RARB: variants seen among roughly 807,000 people sequenced by gnomAD.
RARB encodes the protein retinoic acid receptor beta.
A neutral mutation model predicts 51.9 loss-of-function variants in RARB; 17 were observed. The ratio of observed to expected loss-of-function variants is 0.33; its 90% CI spans 0.22 to 0.49. The LOEUF is 0.49. RARB is among the 20% of genes least tolerant of loss of function. The pLI, the probability that RARB is intolerant of heterozygous loss-of-function variation, is 0.99. For missense variants in RARB, 369 were observed against 550.8 expected (o/e 0.67, Z 3.30); for synonymous variants, 215 against 195.4 (o/e 1.10, Z -0.84).
At chr3:25,247,860 T>C (rs1054060790) in intron 5 of RARB, among the ~76,000 whole-genome samples, 2 of 152,214 alleles carry the variant, frequency 1.3e-5, no homozygotes, top group African/African-American at 4.8e-5. Context: ...ACTGTAGCTG[T>C]TGGGTGAAAT....
chr3:25,476,475 G>T (rs1443971369), intron 2 of RARB, among the ~76,000 whole-genome samples: 1 of 152,128 alleles, frequency 6.6e-6, no homozygotes, highest in Non-Finnish European at 1.5e-5. Context: ...ATTCTCTGCA[G>T]ACACTTTTTA....
At chr3:25,265,975 C>T (rs570496151) in intron 5 of RARB, among the ~76,000 whole-genome samples, 2 of 152,302 alleles carry the variant, frequency 1.3e-5, no homozygotes, top group South Asian at 4.1e-4. Context: ...GCTGGCAACT[C>T]TCAACCTAGT....
At chr3:24,880,155 G>C (rs1559381027) in intron 2 of RARB, among the ~76,000 whole-genome samples, 1 of 151,870 alleles carries the variant, frequency 6.6e-6, no homozygotes, top group Non-Finnish European at 1.5e-5. Context: ...CTCAGTGGGA[G>C]TTAGTAATGG....
At chr3:25,590,685 A>G (rs1701581115) in intron 5 of RARB, among the ~76,000 whole-genome samples, 1 of 152,058 alleles carries the variant, frequency 6.6e-6, no homozygotes, top group Non-Finnish European at 1.5e-5. Context: ...AGGCCTGGCT[A>G]ATTTTTGTAC....
At chr3:25,577,727 G>A (rs1264151473) in intron 4 of RARB, among the ~76,000 whole-genome samples, 1 of 152,200 alleles carries the variant, frequency 6.6e-6, no homozygotes, top group Non-Finnish European at 1.5e-5. Context: ...CAGGAAGGCA[G>A]CCCGTTGCAG....
chr3:25,050,245 T>C (rs930521924), intron 2 of RARB, among the ~76,000 whole-genome samples: 1 of 152,124 alleles, frequency 6.6e-6, no homozygotes, highest in Admixed American at 6.5e-5. Flanking sequence ...AGGCTGTGGC[T>C]GTGGAAAGAG....
At chr3:25,536,030 A>G (rs1699126843) in intron 3 of RARB, among the ~76,000 whole-genome samples, 1 of 152,186 alleles carries the variant, frequency 6.6e-6, no homozygotes, top group South Asian at 2.1e-4. Flanking sequence ...TGAGGAGGAC[A>G]TAAAGATGAC....
chr3:24,971,099 T>C (rs1445749889), intron 2 of RARB, among the ~76,000 whole-genome samples: 3 of 151,936 alleles, frequency 2.0e-5, no homozygotes, highest in African/African-American at 7.2e-5. Context: ...GCAAAAATAA[T>C]CAGATCCTAA....
At chr3:25,483,136 A>G (rs937546729) in intron 2 of RARB, among the ~76,000 whole-genome samples, 8 of 152,234 alleles carry the variant, frequency 5.3e-5, no homozygotes, top group Non-Finnish European at 7.3e-5. Context: ...CGACACAGGC[A>G]GAGAACCCCA....
At chr3:25,161,049 G>A (rs902359376) in intron 4 of RARB, among the ~76,000 whole-genome samples, 1 of 151,836 alleles carries the variant, frequency 6.6e-6, no homozygotes, top group African/African-American at 2.4e-5. Flanking sequence ...GTCTTGCTCC[G>A]TCGCCCAGGC....
intron 3 of RARB, among the ~76,000 whole-genome samples, chr3:25,114,341 G>A (rs1040625429): frequency 4.6e-5 from 7 of 152,134 alleles, no homozygotes; most frequent in African/African-American, 7.2e-5. Context: ...GAGGCTTTGC[G>A]TTCATTATCC....
At chr3:25,036,087 T>C (rs1697987762) in intron 2 of RARB, among the ~76,000 whole-genome samples, 6 of 152,114 alleles carry the variant, frequency 3.9e-5, no homozygotes, top group Admixed American at 3.9e-4. Context: ...CAAGTATTTA[T>C]TTTTTTTATT....
chr3:24,875,720 G>T (rs1267869099), intron 2 of RARB, among the ~76,000 whole-genome samples: 1 of 151,906 alleles, frequency 6.6e-6, no homozygotes, highest in Non-Finnish European at 1.5e-5. Context: ...ATAATACAAT[G>T]ATCAAAATCA....
chr3:25,335,933 T>C (rs1436251), intron 5 of RARB, among the ~76,000 whole-genome samples: 30,085 of 152,162 alleles, frequency 0.2, 3,221 homozygotes, highest in African/African-American at 0.28. Flanking sequence ...CATTAATAAA[T>C]GTTCATTTAT....
intron 5 of RARB, among the ~76,000 whole-genome samples, chr3:25,326,479 G>C (rs1255755837): frequency 6.6e-6 from 1 of 152,156 alleles, no homozygotes; most frequent in Non-Finnish European, 1.5e-5. Context: ...TTAATACTTG[G>C]AAATGGCCCA....
At chr3:24,830,146 G>A (rs1350950193) in intron 1 of RARB, among the ~76,000 whole-genome samples, 1 of 152,152 alleles carries the variant, frequency 6.6e-6, no homozygotes, top group Non-Finnish European at 1.5e-5. Flanking sequence ...TGTCAGCCGC[G>A]AAGGGGTTCT....
At chr3:25,064,972 A>C (rs1698632286) in intron 3 of RARB, among the ~76,000 whole-genome samples, 1 of 152,156 alleles carries the variant, frequency 6.6e-6, no homozygotes, top group Admixed American at 6.5e-5. Flanking sequence ...ACACATGGAG[A>C]ATGATGTCAA....
rs768049617 is a variant in RARB, at chr3:25,033,619, C to T, written c.-379-26506C>T. ...AGGTCAACAGTCAAGAAGAGCTCCC[C>T]CTGGAGGACAGCAAGGTCAAGCCAG... On this transcript the variant is annotated intron_variant, in intron 2 of 11. Transcript: ENST00000383772. Among the ~76,000 whole-genome samples the T allele has an allele frequency of 3.3e-5, 5 of 152,092 alleles. No homozygotes were observed. The East Asian group carries it at 5.8e-4, about 18-fold the overall frequency.
intron 2 of RARB, among the ~76,000 whole-genome samples, chr3:25,017,496 A>G (rs1185972778): frequency 6.6e-6 from 1 of 152,164 alleles, no homozygotes; most frequent in Non-Finnish European, 1.5e-5. Flanking sequence ...GCATTGGCTT[A>G]TCTGGTGCAT....
Sources: allele counts gnomAD v4.1 joint callset (sites outside exome capture counted in the v4.1 genomes callset), GRCh38; gene constraint gnomAD v4.1.1; transcripts MANE v1.5; gene names NCBI Gene and HGNC (gene_info 2026-07-23, HGNC 2026-07-21).